RBFOX1: variants seen among roughly 807,000 people sequenced by gnomAD.
RBFOX1 encodes RNA binding protein fox-1 homolog 1.
RBFOX1 carries 8 observed loss-of-function variants against 57.7 expected under a neutral mutation model. The ratio of observed to expected loss-of-function variants is 0.14; its 90% confidence interval spans 0.08 to 0.25. RBFOX1 has a LOEUF of 0.25. Among genes scored for constraint, RBFOX1 ranks in the 10% least tolerant of loss-of-function variants. The pLI is 1.00. For synonymous variants in RBFOX1, 326 were observed against 222.4 expected (o/e 1.47, Z -4.15); for missense variants, 611 against 548.5 (o/e 1.11, Z -1.14).
chr16:6,234,438 T>A (rs2097489693), intron 1 of RBFOX1, among the ~76,000 whole-genome samples: 1 of 152,236 alleles, frequency 6.6e-6, no homozygotes, highest in South Asian at 2.1e-4. Context: ...CCTTATCATT[T>A]ACCCTTCCTG....
intron 2 of RBFOX1, among the ~76,000 whole-genome samples, chr16:5,553,731 GTATATATATGTGTGTATTT>G (rs2045561832): frequency 6.6e-6 from 1 of 150,776 alleles, no homozygotes; most frequent in Non-Finnish European, 1.5e-5. Context: ...ACATATATAT[GTATATATATGTGTGTATTT>G]ATGTATATAC....
At chr16:5,759,447 T>C (rs1394035080) in intron 3 of RBFOX1, among the ~76,000 whole-genome samples, 1 of 152,230 alleles carries the variant, frequency 6.6e-6, no homozygotes, top group Non-Finnish European at 1.5e-5. Context: ...TGTTGACACA[T>C]TGACAGAAAT....
At chr16:7,452,063 C>A (rs181307194) in intron 4 of RBFOX1, among the ~76,000 whole-genome samples, 1 of 152,102 alleles carries the variant, frequency 6.6e-6, no homozygotes, top group Non-Finnish European at 1.5e-5. Context: ...GGCTACAAAG[C>A]AATTGGATAC....
chr16:6,942,439 T>C (rs996149542), intron 3 of RBFOX1, among the ~76,000 whole-genome samples: 3 of 152,156 alleles, frequency 2.0e-5, no homozygotes, highest in African/African-American at 4.8e-5. Context: ...GATTACAGTT[T>C]TGAGCCATTG....
chr16:7,323,507 A>G (rs978235582), intron 4 of RBFOX1, among the ~76,000 whole-genome samples: 1 of 152,222 alleles, frequency 6.6e-6, no homozygotes, highest in Non-Finnish European at 1.5e-5. Flanking sequence ...AAAAAAAAGA[A>G]AGCCTTCTTA....
At chr16:6,222,687 A>C (rs530088808) in intron 1 of RBFOX1, among the ~76,000 whole-genome samples, 1 of 116,928 alleles carries the variant, frequency 8.6e-6, no homozygotes, top group Non-Finnish European at 1.7e-5. Flanking sequence ...CTTTTCTTTT[A>C]TTATTATTAT....
At chr16:5,352,442 C>T (rs530341295) in intron 1 of RBFOX1, among the ~76,000 whole-genome samples, 6 of 152,158 alleles carry the variant, frequency 3.9e-5, no homozygotes, top group Non-Finnish European at 7.3e-5. Flanking sequence ...TACCCTTCAC[C>T]GGTTGTCAAA....
Position 5,815,156 on chromosome 16 carries a change from ATTTTTTTT to A in RBFOX1, c.319-52134_319-52127del, listed in dbSNP as rs71142650. Among the ~76,000 whole-genome samples the A allele has an allele frequency of 7.9e-4, 90 of 114,210 alleles. 2 individuals carry two copies. The highest frequency in any genetic ancestry group is 3.0e-3 in the African/African-American group (86 of 28,970). The allele number at this position is 114,210 out of a possible 152,430, so 74.9% of individuals were successfully genotyped here. On this transcript the variant is annotated intron_variant, in intron 3 of 19. Transcript: ENST00000641259. ...CACCAGGCCTGGCTAATTTAATTTA[ATTTTTTTT>A]TTTTTTTTTTTTGTAGAGACAGTCT...
chr16:7,525,891 G>C lies in RBFOX1; in HGVS notation c.270+7502G>C, dbSNP rs150873644. Among the ~76,000 whole-genome samples the C allele has an allele frequency of 7.6e-4, 115 of 152,284 alleles. 3 individuals carry two copies. In the East Asian group the frequency reaches 0.02, roughly 26 times the overall value. On this transcript the variant is annotated intron_variant, in intron 5 of 15. Coordinates refer to ENST00000550418, the MANE Select transcript of RBFOX1 (RefSeq NM_018723.4). ...TGAGGTCGTCACCCACATCTTGTCT[G>C]CCTGATGTTAAAGTCCAGGCTGTTT...
At chr16:5,676,870 A>C (rs1453283400) in intron 3 of RBFOX1, among the ~76,000 whole-genome samples, 1 of 152,184 alleles carries the variant, frequency 6.6e-6, no homozygotes, top group African/African-American at 2.4e-5. Context: ...TCAAAAAAAA[A>C]AAGTGCTCAG....
intron 4 of RBFOX1, among the ~76,000 whole-genome samples, chr16:7,446,390 A>T (rs964646683): frequency 3.3e-5 from 5 of 152,200 alleles, no homozygotes; most frequent in African/African-American, 9.7e-5. Context: ...AAGTAGAACA[A>T]GGAGGCCATG....
intron 4 of RBFOX1, among the ~76,000 whole-genome samples, chr16:5,983,150 C>T (rs571069540): frequency 2.0e-4 from 30 of 152,332 alleles, no homozygotes; most frequent in Admixed American, 1.8e-3. Context: ...AGCTCTGCGT[C>T]CCTGCCCCCC....
chr16:5,487,430 G>A (rs1023006727), intron 2 of RBFOX1, among the ~76,000 whole-genome samples: 1 of 152,202 alleles, frequency 6.6e-6, no homozygotes, highest in Non-Finnish European at 1.5e-5. Flanking sequence ...GAAGCTGACA[G>A]CACGAGTTGG....
intron 4 of RBFOX1, among the ~76,000 whole-genome samples, chr16:7,054,877 A>G (rs2051574545): frequency 6.6e-6 from 1 of 152,174 alleles, no homozygotes; most frequent in South Asian, 2.1e-4. Context: ...TGTCAAATTT[A>G]TTCCTTTTCC....
chr16:6,425,120 C>G (rs1269283280), intron 2 of RBFOX1, among the ~76,000 whole-genome samples: 5 of 151,940 alleles, frequency 3.3e-5, no homozygotes, highest in South Asian at 2.1e-4. Flanking sequence ...AACTTTATAC[C>G]TTTTAGTAAT....
chr16:5,555,746 G>A (rs1479785536), intron 2 of RBFOX1, among the ~76,000 whole-genome samples: 1 of 151,816 alleles, frequency 6.6e-6, no homozygotes, highest in African/African-American at 2.4e-5. Context: ...CCTCGGCTGG[G>A]TGCAGTGGCT....
chr16:7,705,048 GAA>G (rs36086189), intron 14 of RBFOX1, among the ~76,000 whole-genome samples: 4,526 of 129,802 alleles, frequency 0.035, 217 homozygotes, highest in African/African-American at 0.11. Flanking sequence ...TGTCTCAAAA[GAA>G]AAAAAAAAAA....
intron 4 of RBFOX1, among the ~76,000 whole-genome samples, chr16:7,097,010 A>C (rs530267966): frequency 6.6e-6 from 1 of 152,152 alleles, no homozygotes; most frequent in South Asian, 2.1e-4. Flanking sequence ...TGTTACCAGA[A>C]AGCGAAATGA....
chr16:7,009,945 G>A (rs868705644), intron 3 of RBFOX1, among the ~76,000 whole-genome samples: 4 of 152,118 alleles, frequency 2.6e-5, no homozygotes, highest in Admixed American at 6.5e-5. Flanking sequence ...TTGGCTACAA[G>A]GAAAAAGGGT....
Sources: allele counts gnomAD v4.1 joint callset (sites outside exome capture counted in the v4.1 genomes callset), GRCh38; gene constraint gnomAD v4.1.1; transcripts MANE v1.5; gene names NCBI Gene and HGNC (gene_info 2026-07-23, HGNC 2026-07-21).